Variants in PANK2 observed in about 807,000 individuals in gnomAD.
PANK2 encodes pantothenate kinase 2, mitochondrial.
In PANK2, 36 loss-of-function variants were observed where a neutral mutation model predicts 43.1. The observed-to-expected ratio is 0.84, with a 90% CI of 0.64 to 1.10. PANK2 has a LOEUF of 1.10. Among genes scored for constraint, PANK2 ranks in the 50% least tolerant of loss-of-function variants. The pLI, the probability that PANK2 is intolerant of heterozygous loss-of-function variation, is 0.00. For synonymous variants in PANK2, 281 were observed against 238.2 expected (o/e 1.18, Z -1.66); for missense variants, 576 against 593.3 (o/e 0.97, Z 0.30).
At chr20:3,913,582 G>C (rs185849293) in intron 4 of PANK2, among the ~76,000 whole-genome samples, 1 of 151,948 alleles carries the variant, frequency 6.6e-6, no homozygotes. Context: ...GTGATCTGCC[G>C]CCTCAGCCTC....
At chr20:3,902,628 C>G (rs1192747327) in intron 1 of PANK2, among the ~76,000 whole-genome samples, 1 of 150,026 alleles carries the variant, frequency 6.7e-6, no homozygotes, top group Non-Finnish European at 1.5e-5. Flanking sequence ...GCTGTGTTGT[C>G]CTGGCTGATC....
In PANK2 at chr20:3,910,579, A is replaced by T. The variant is rs1278653889; in HGVS notation, c.654A>T (p.Ile218=). ...AGTACATTCTTATTTCATTACAGAT[A>T]GGTGATCTTCAGCTTTGCAAACTGG... is the stretch of plus-strand genomic sequence containing the variant. Residue 218 remains isoleucine, a splice_region_variant and synonymous_variant, in exon 3 of 7, where the codon ATA becomes ATT. Coordinates refer to ENST00000610179, the MANE Select transcript of PANK2 (RefSeq NM_001386393.1). 1 of 1,614,134 alleles carries T rather than the reference A, an allele frequency of 6.2e-7. No individual in the cohort carries two copies.
At chr20:3,921,851 C>G (rs974986964) in intron 6 of PANK2, 1 of 152,206 alleles carries the variant, frequency 6.6e-6, no homozygotes, top group Non-Finnish European at 1.5e-5. Context: ...GATGGGACTA[C>G]AGGCACGTGC....
At chr20:3,918,630 A>G in intron 5 of PANK2, 41 bp from the exon 6 acceptor site, 1 of 1,613,556 alleles carries the variant, frequency 6.2e-7, no homozygotes, top group Non-Finnish European at 8.5e-7. Context: ...AGAAAATAGA[A>G]ATTAAGATGA....
rs2090417666 is a variant in PANK2, at chr20:3,908,176, T to C, written c.549T>C (p.Pro183=). The C allele has an allele frequency of 6.2e-7, 1 of 1,614,222 alleles. No homozygotes were observed. Among genetic ancestry groups the C allele is most frequent in the East Asian group, 2.2e-5 (1 of 44,892 alleles). ...TACGCTTTCCCACTCATGACATGCC[T>C]GCTTTTATTCAAATGGGCAGAGATA... is the stretch of plus-strand genomic sequence containing the variant. Residue 183 remains proline (P), a synonymous_variant, in exon 2 of 7, where the codon CCT becomes CCC. Transcript: ENST00000610179.
Position 3,925,973 on chromosome 20 carries a change from G to A in PANK2, c.*2679G>A, listed in dbSNP as rs952700410. 1 of 152,276 alleles carries A rather than the reference G, an allele frequency of 6.6e-6. No individual in the cohort carries two copies. Among genetic ancestry groups the A allele is most frequent in the African/African-American group, 2.4e-5 (1 of 41,406 alleles). The allele number at this position is 152,276 out of a possible 1,614,324, so 9.4% of individuals were successfully genotyped here. A position where few individuals can be genotyped will look rare whatever the true frequency, so the allele number is the denominator to read the frequency against. ...GTCCCTTTCAGTCTGCCCTCCACTA[G>A]TGGCCATGAAGGGGGCTGTGACCGT... On this transcript the variant is annotated 3_prime_UTR_variant, in exon 7 of 7. Coordinates refer to ENST00000610179, the MANE Select transcript of PANK2 (RefSeq NM_001386393.1).
At chr20:3,889,016 G>C (rs557548716), upstream of PANK2, 66 of 1,104,302 alleles carry the variant, frequency 6.0e-5, no homozygotes, top group South Asian at 9.3e-4. Context: ...GGAGCAGCGG[G>C]GTGGGACTCG....
chr20:3,928,047 C>T lies in PANK2; in HGVS notation c.*4753C>T, dbSNP rs2090752465. On this transcript the variant is annotated 3_prime_UTR_variant, in exon 7 of 7. Coordinates refer to ENST00000610179, the MANE Select transcript of PANK2 (RefSeq NM_001386393.1). ...TCAAATGGAAGCACACTCCCCAGCA[C>T]ATGGGGATCCCTTATTAATCTTTAC... 1 of 152,208 alleles carries T rather than the reference C, an allele frequency of 6.6e-6. No homozygotes were observed. The allele number at this position is 152,208 out of a possible 1,614,324, so 9.4% of individuals were successfully genotyped here. A position where few individuals can be genotyped will look rare whatever the true frequency, so the allele number is the denominator to read the frequency against.
rs2090341212 is a variant in PANK2 at position 3,903,629 on chromosome 20, T to C, written c.299-4297T>C. On this transcript the variant is annotated intron_variant, in intron 1 of 6. Coordinates refer to ENST00000610179, the MANE Select transcript of PANK2 (RefSeq NM_001386393.1). ...TTCAGCGCGTTCCACCACGCCCAGC[T>C]AATTTTTTTTTTTTTTGAGATGGAG... Among the ~76,000 whole-genome samples, 3 of 147,298 alleles carry C rather than the reference T, an allele frequency of 2.0e-5. No individual in the cohort carries two copies. The South Asian group carries it at 6.4e-4, about 32-fold the overall frequency.
chr20:3,920,410 G>A (rs1369047055), intron 6 of PANK2, among the ~76,000 whole-genome samples: 2 of 152,106 alleles, frequency 1.3e-5, no homozygotes, highest in Non-Finnish European at 2.9e-5. Flanking sequence ...CCAGCTACTC[G>A]GGAGGCTGAG....
intron 1 of PANK2, among the ~76,000 whole-genome samples, chr20:3,905,152 C>T (rs931181924): frequency 9.9e-6 from 1 of 100,930 alleles, no homozygotes; most frequent in Admixed American, 1.2e-4. Context: ...CATTTCCCCA[C>T]CATCGCTTGT....
chr20:3,889,364 C>A, upstream of PANK2: 1 of 1,578,496 alleles, frequency 6.3e-7, no homozygotes, highest in Admixed American at 1.9e-5. Context: ...ACGGAAGAGG[C>A]GGCCGGCCGA....
intron 1 of PANK2, among the ~76,000 whole-genome samples, chr20:3,902,663 C>T (rs2090320566): frequency 6.6e-6 from 1 of 151,480 alleles, no homozygotes; most frequent in African/African-American, 2.4e-5. Context: ...TCAAGTGATC[C>T]TCCCATCTCG....
At chr20:3,889,764 T>G (rs1357093636) in intron 1 of PANK2, 36 bp downstream of exon 1, 4 of 688,904 alleles carry the variant, frequency 5.8e-6, no homozygotes, top group Non-Finnish European at 9.1e-6. Flanking sequence ...CGGCCCGCCC[T>G]GCCCCCCCTT....
chr20:3,891,451 G>A (rs2090121825), intron 1 of PANK2: 1 of 152,164 alleles, frequency 6.6e-6, no homozygotes, highest in Admixed American at 6.6e-5. Flanking sequence ...AGAAAACTGG[G>A]ACACGTTTGC....
chr20:3,898,436 G>GTCA (rs2090246146), intron 1 of PANK2, among the ~76,000 whole-genome samples: 2 of 152,122 alleles, frequency 1.3e-5, no homozygotes, highest in African/African-American at 4.8e-5. Context: ...CTGACCTCAG[G>GTCA]TCATCCACTC....
Position 3,923,576 on chromosome 20 carries a change from C to T in PANK2, c.*282C>T. The T allele has an allele frequency of 1.2e-5, 6 of 501,908 alleles. No individual in the cohort carries two copies. Among genetic ancestry groups the T allele is most frequent in the South Asian group, 1.1e-4 (5 of 45,622 alleles). The allele number at this position is 501,908 out of a possible 1,614,324, so 31.1% of individuals were successfully genotyped here. A position where few individuals can be genotyped will look rare whatever the true frequency, so the allele number is the denominator to read the frequency against. On this transcript the variant is annotated 3_prime_UTR_variant, in exon 7 of 7. Transcript: ENST00000610179. ...CTGCTTTGTATTTTTGAAATCTCTG[C>T]ATCACTCATTGGAAGTGCTTCTGAA... is the stretch of plus-strand genomic sequence containing the variant.
At chr20:3,905,377 G>A (rs1260201612) in intron 1 of PANK2, among the ~76,000 whole-genome samples, 2 of 144,450 alleles carry the variant, frequency 1.4e-5, no homozygotes, top group African/African-American at 5.2e-5. Context: ...TTGAGACGGA[G>A]TCTCGCTCTG....
chr20:3,910,738 T>C lies in PANK2; in HGVS notation c.813T>C (p.Asn271=). The C allele has an allele frequency of 6.2e-7, 1 of 1,614,166 alleles. No homozygotes were observed. Among genetic ancestry groups the C allele is most frequent in the Non-Finnish European group, 8.5e-7 (1 of 1,180,034 alleles). ...AGAAGTTACCATTTGATTTGAAAAATCCGTATCCTCTGCTTCTGGTGAACA... is the reference window on the plus strand; with the variant it reads ...AGAAGTTACCATTTGATTTGAAAAACCCGTATCCTCTGCTTCTGGTGAACA... Residue 271 remains asparagine, a synonymous_variant, in exon 3 of 7, where the codon AAT becomes AAC. Coordinates refer to ENST00000610179, the MANE Select transcript of PANK2 (RefSeq NM_001386393.1).
Sources: allele counts gnomAD v4.1 joint callset (sites outside exome capture counted in the v4.1 genomes callset), GRCh38; gene constraint gnomAD v4.1.1; transcripts MANE v1.5; gene names NCBI Gene and HGNC (gene_info 2026-07-23, HGNC 2026-07-21).